Variants in IGDCC3 observed in about 807,000 individuals in gnomAD.
IGDCC3 encodes the protein immunoglobulin superfamily DCC subclass member 3, also known as putative neuronal cell adhesion molecule.
Under a neutral mutation model 72.0 loss-of-function variants are expected in IGDCC3, and 47 were observed. The observed-to-expected ratio is 0.65, with a 90% CI of 0.52 to 0.83. The LOEUF (loss-of-function observed/expected upper bound fraction) is 0.83. Ranked by LOEUF, IGDCC3 falls within the 40% of genes least tolerant of loss-of-function variation. The pLI is 0.00. For synonymous variants in IGDCC3, 477 were observed against 472.8 expected, an observed-to-expected ratio of 1.01 and a Z score of -0.11; for missense variants, 1,038 against 1,091.3, an observed-to-expected ratio of 0.95 and a Z score of 0.69.
intron 6 of IGDCC3, 79 bp downstream of exon 6, chr15:65,333,178 C>T: frequency 1.4e-6 from 2 of 1,392,638 alleles, no homozygotes; most frequent in Non-Finnish European, 1.9e-6. Context: ...GGGACAGGGC[C>T]CTGGGGTTGG....
Position 65,329,418 on chromosome 15 carries a change from G to A in IGDCC3, c.2177C>T (p.Ala726Val). The change falls in exon 13 of 14, where the codon GCA becomes GTA. Residue 726 changes from alanine (A) to valine (V), a missense_variant. Physicochemically the swap from Ala to Val is moderately conservative, Grantham distance 64. Transcript: ENST00000327987. This position sits in a 1 kb window ranked among gnomAD's most constrained non-coding sequence, Gnocchi z 4.1. ...GGGTCTGGGGTCCGGCTGCCCTGCT[G>A]CGCTGGCCGGGGGGAACAGCTGCTC... is the stretch of plus-strand genomic sequence containing the variant. The part of the protein sequence containing the change: ...ELEQLFPPAS[A>V]AGQPDPRPTQ... The A allele has an allele frequency of 1.3e-6, 2 of 1,598,518 alleles. No individual in the cohort carries two copies. The highest frequency in any genetic ancestry group is 1.7e-6 in the Non-Finnish European group (2 of 1,174,810).
chr15:65,366,440 A>G (rs1390415659), intron 2 of IGDCC3, among the ~76,000 whole-genome samples: 1 of 152,112 alleles, frequency 6.6e-6, no homozygotes, highest in Non-Finnish European at 1.5e-5. Context: ...GGAGCTGGAG[A>G]AAGGAAGAAG....
intron 1 of IGDCC3, 143 bp from the exon 2 acceptor site, chr15:65,375,545 T>G: frequency 3.3e-5 from 21 of 643,580 alleles, no homozygotes; most frequent in Non-Finnish European, 5.3e-5. Context: ...TAGGAATTCC[T>G]ATTATATATA....
Position 65,330,578 on chromosome 15 carries a change from G to T in IGDCC3, c.1725C>A (p.Thr575=), listed in dbSNP as rs16948657. ...GCTGGCTGAGGTTGTAGGAGGAGAC[G>T]GTTCCAGGCAGCAGGATGGGGCCGG... ...SFTGPILLPG[T]VSSYNLSQLD... is the part of the protein sequence containing the mutation. Residue 575 remains threonine (T), a synonymous_variant, in exon 10 of 14, where the codon ACC becomes ACA. Coordinates refer to ENST00000327987, the MANE Select transcript of IGDCC3 (RefSeq NM_004884.4). 1.2e-6 allele frequency: 2 copies of T among 1,613,514 alleles called. No homozygotes were observed. Among genetic ancestry groups the T allele is most frequent in the South Asian group, 1.1e-5 (1 of 91,046 alleles).
At chr15:65,335,222 T>C in intron 4 of IGDCC3, 69 bp downstream of exon 4, 2 of 1,513,380 alleles carry the variant, frequency 1.3e-6, no homozygotes, top group East Asian at 2.3e-5. Flanking sequence ...TGAAGGGGGT[T>C]GATCTAAGGG....
At chr15:65,338,495 C>A (rs1182991629) in intron 2 of IGDCC3, among the ~76,000 whole-genome samples, 1 of 152,158 alleles carries the variant, frequency 6.6e-6, no homozygotes, top group Admixed American at 6.5e-5. Flanking sequence ...CTTCTTCTCA[C>A]GGTGTGGAGG....
intron 2 of IGDCC3, among the ~76,000 whole-genome samples, chr15:65,364,816 G>A (rs541307187): frequency 6.6e-6 from 1 of 152,300 alleles, no homozygotes; most frequent in East Asian, 1.9e-4. Flanking sequence ...AGGAAGTTGA[G>A]GCTGCCCTGA....
chr15:65,356,043 G>A (rs1005276406), intron 2 of IGDCC3: 3 of 261,262 alleles, frequency 1.1e-5, no homozygotes, highest in African/African-American at 7.0e-5. Flanking sequence ...CCCTCCCCGA[G>A]CCTTCTCCAC....
At chr15:65,345,593 T>A (rs1369110788) in intron 2 of IGDCC3, among the ~76,000 whole-genome samples, 1 of 148,682 alleles carries the variant, frequency 6.7e-6, no homozygotes, top group Non-Finnish European at 1.5e-5. Context: ...CACACACGCA[T>A]GCACACACAG....
chr15:65,346,499 C>T (rs1322818152), intron 2 of IGDCC3, among the ~76,000 whole-genome samples: 1 of 151,602 alleles, frequency 6.6e-6, no homozygotes, highest in Non-Finnish European at 1.5e-5. Context: ...CTCTGTCGCT[C>T]AGGCTGGAGT....
chr15:65,365,678 C>T (rs923297679), intron 2 of IGDCC3, among the ~76,000 whole-genome samples: 1 of 152,042 alleles, frequency 6.6e-6, no homozygotes, highest in Non-Finnish European at 1.5e-5. Context: ...TCTCCTTAGT[C>T]TCTGCAGAGG....
At chr15:65,330,960 A>G (rs2090971996) in intron 9 of IGDCC3, 90 bp downstream of exon 9, 7 of 1,467,182 alleles carry the variant, frequency 4.8e-6, no homozygotes, top group East Asian at 2.3e-5. Flanking sequence ...CACCCTGCAC[A>G]GCGCACAACC....
chr15:65,349,619 C>T (rs879311701), intron 2 of IGDCC3, among the ~76,000 whole-genome samples: 48 of 152,154 alleles, frequency 3.2e-4, no homozygotes, highest in African/African-American at 1.0e-3. Context: ...GCAAGCTGGT[C>T]GGTCACAAAC....
At chr15:65,355,659 C>T in intron 2 of IGDCC3, 2 of 187,602 alleles carry the variant, frequency 1.1e-5, no homozygotes, top group South Asian at 5.0e-5. Flanking sequence ...GCGGGCGTCC[C>T]GCCCCCCCGC....
intron 2 of IGDCC3, among the ~76,000 whole-genome samples, chr15:65,354,272 T>C (rs1309702322): frequency 6.6e-6 from 1 of 152,184 alleles, no homozygotes; most frequent in Non-Finnish European, 1.5e-5. Flanking sequence ...TTGAGTGAGA[T>C]CAAAGAACCC....
At position 65,328,490 on chromosome 15, in the gene IGDCC3, T is replaced by G. The variant is rs2090942181; in HGVS notation, c.*419A>C. 1 of 155,852 alleles carries G rather than the reference T, an allele frequency of 6.4e-6. No homozygotes were observed. The highest frequency in any genetic ancestry group is 2.4e-5 in the African/African-American group (1 of 41,508). The allele number at this position is 155,852 out of a possible 1,614,324, so 9.7% of individuals were successfully genotyped here. A position where few individuals can be genotyped will look rare whatever the true frequency, so the allele number is the denominator to read the frequency against. On this transcript the variant is annotated 3_prime_UTR_variant, in exon 14 of 14. Transcript: ENST00000327987. ...GAGCCAAAACAGCAAAAATCCATCC[T>G]GAGAAAACAAAGTCGGTGGAGGGTG...
chr15:65,349,130 A>G (rs748354385), intron 2 of IGDCC3, among the ~76,000 whole-genome samples: 4 of 152,242 alleles, frequency 2.6e-5, no homozygotes, highest in Non-Finnish European at 5.9e-5. Context: ...TAGAGGTTGG[A>G]TTAAAGATGA....
chr15:65,337,103 TCCCCCATCTCAG>T (rs1175641185), intron 2 of IGDCC3, among the ~76,000 whole-genome samples: 5 of 151,998 alleles, frequency 3.3e-5, no homozygotes, highest in Admixed American at 2.0e-4. Flanking sequence ...GTGGCCCCCA[TCCCCCATCTCAG>T]GCCCCCTCAA....
rs1357600235 is a variant in IGDCC3, at chr15:65,370,582, ATG to A, written c.409+4513_409+4514del. Among the ~76,000 whole-genome samples the A allele has an allele frequency of 1.4e-4, 19 of 131,812 alleles. 1 individual carries two copies. The highest frequency in any genetic ancestry group is 4.9e-4 in the African/African-American group (17 of 34,710). The allele number at this position is 131,812 out of a possible 152,430, so 86.5% of individuals were successfully genotyped here. Reference sequence around the variant, plus strand: ...TGTATATATATATGTATGTATATATATGTATGTATATATATGTATGTGTATAT... The same window carrying A: ...TGTATATATATATGTATGTATATATATATGTATATATATGTATGTGTATAT... On this transcript the variant is annotated intron_variant, in intron 2 of 13. Transcript: ENST00000327987.
Sources: allele counts gnomAD v4.1 joint callset (sites outside exome capture counted in the v4.1 genomes callset), GRCh38; gene constraint gnomAD v4.1.1; non-coding constraint Gnocchi (gnomAD v3.1); transcripts MANE v1.5; gene names NCBI Gene and HGNC (gene_info 2026-07-23, HGNC 2026-07-21).